The following CORO2B variants were observed in gnomAD, a reference collection of about 807,000 sequenced individuals.
CORO2B encodes coronin-2B.
Under a neutral mutation model 58.8 loss-of-function variants are expected in CORO2B, and 26 were observed. That is an observed-to-expected ratio of 0.44 (90% CI 0.32 to 0.61). The LOEUF is 0.61. Ranked by LOEUF, CORO2B falls within the 20% of genes least tolerant of loss-of-function variation. The pLI is 0.04. For synonymous variants in CORO2B, 242 were observed against 253.8 expected (o/e 0.95, Z 0.44); for missense variants, 460 against 645.1 (o/e 0.71, Z 3.11).
chr15:68,629,379 G>A (rs1900765336), intron 1 of CORO2B, among the ~76,000 whole-genome samples: 1 of 152,248 alleles, frequency 6.6e-6, no homozygotes, highest in Admixed American at 6.5e-5. Context: ...AGCTGATTCT[G>A]TTGGAGGAAG....
At chr15:68,606,745 A>G (rs1413816834) in intron 1 of CORO2B, among the ~76,000 whole-genome samples, 1 of 151,878 alleles carries the variant, frequency 6.6e-6, no homozygotes, top group Non-Finnish European at 1.5e-5. Flanking sequence ...TCCAGAGCAT[A>G]ACTGAACACG....
At chr15:68,674,079 C>A (rs750126927) in intron 2 of CORO2B, among the ~76,000 whole-genome samples, 1 of 152,026 alleles carries the variant, frequency 6.6e-6, no homozygotes, top group Non-Finnish European at 1.5e-5. Context: ...TGACTGGGAG[C>A]GGGAGAGAGG....
chr15:68,561,318 G>A, the CORO2B span, among the ~76,000 whole-genome samples: 1 of 152,100 alleles, frequency 6.6e-6, no homozygotes, highest in Non-Finnish European at 1.5e-5. Flanking sequence ...CTGCCATTTT[G>A]GAGCGTTTGG....
the CORO2B span, among the ~76,000 whole-genome samples, chr15:68,557,200 G>A: frequency 6.6e-6 from 1 of 152,174 alleles, no homozygotes; most frequent in Non-Finnish European, 1.5e-5. Context: ...CAGAGGAAAG[G>A]GATTCATAGA....
At chr15:68,522,664 G>T in the CORO2B span, among the ~76,000 whole-genome samples, 2 of 152,052 alleles carry the variant, frequency 1.3e-5, no homozygotes, top group African/African-American at 4.8e-5. Context: ...TGGTCAGACT[G>T]GTTTCATCAA....
chr15:68,638,243 G>A (rs1901098414), intron 1 of CORO2B, among the ~76,000 whole-genome samples: 1 of 141,126 alleles, frequency 7.1e-6, no homozygotes, highest in Non-Finnish European at 1.5e-5. Context: ...TCCTGGCAAA[G>A]CCTGACCTCC....
chr15:68,658,552 T>C (rs1368037992), intron 2 of CORO2B, among the ~76,000 whole-genome samples: 1 of 152,212 alleles, frequency 6.6e-6, no homozygotes, highest in South Asian at 2.1e-4. Context: ...CTCCCCACTT[T>C]TTCCCACCCT....
At chr15:68,576,416 A>T (rs1464195011), upstream of CORO2B, among the ~76,000 whole-genome samples, 1 of 152,094 alleles carries the variant, frequency 6.6e-6, no homozygotes. Flanking sequence ...TCCTAATTAC[A>T]TTTGGCTCAA....
chr15:68,663,209 C>T (rs1483869834), intron 2 of CORO2B, among the ~76,000 whole-genome samples: 2 of 152,184 alleles, frequency 1.3e-5, no homozygotes, highest in Non-Finnish European at 2.9e-5. Context: ...GATCTTTTCA[C>T]ATCAAATATA....
chr15:68,719,949 T>A (rs898220847), intron 11 of CORO2B, among the ~76,000 whole-genome samples: 1 of 152,132 alleles, frequency 6.6e-6, no homozygotes, highest in African/African-American at 2.4e-5. Flanking sequence ...ACACTTCCAG[T>A]CTTTGTGGAA....
At chr15:68,720,914 TCTCA>T (rs1893144923) in intron 11 of CORO2B, among the ~76,000 whole-genome samples, 1 of 152,234 alleles carries the variant, frequency 6.6e-6, no homozygotes, top group African/African-American at 2.4e-5. Context: ...TGAGACAGAG[TCTCA>T]CTCTGTTGCC....
At chr15:68,659,594 G>A (rs1176900704) in intron 2 of CORO2B, among the ~76,000 whole-genome samples, 1 of 151,990 alleles carries the variant, frequency 6.6e-6, no homozygotes, top group Non-Finnish European at 1.5e-5. Flanking sequence ...CCATAAGGAA[G>A]AGAAAATATA....
chr15:68,695,163 C>T lies in CORO2B; in HGVS notation c.240C>T (p.Tyr80=), dbSNP rs779207743. 52 of 1,613,828 alleles carry T rather than the reference C, an allele frequency of 3.2e-5. 1 individual carries two copies. In the South Asian group the frequency reaches 5.3e-4, roughly 16 times the overall value. The change falls in exon 3 of 12, where the codon TAC becomes TAT. Residue 80 remains tyrosine, a synonymous_variant. Coordinates refer to ENST00000261861, the MANE Select transcript of CORO2B (RefSeq NM_006091.5). ...LEQTGRIEPN[Y]PKVCGHQGNV... is the part of the protein sequence containing the mutation. Reference sequence around the variant, plus strand: ...AGACAGGCAGGATTGAACCCAACTACCCCAAGGTCTGCGGCCACCAGGGCA... The same window carrying T: ...AGACAGGCAGGATTGAACCCAACTATCCCAAGGTCTGCGGCCACCAGGGCA...
At chr15:68,599,281 A>G (rs972544642) in intron 1 of CORO2B, among the ~76,000 whole-genome samples, 1 of 152,204 alleles carries the variant, frequency 6.6e-6, no homozygotes, top group African/African-American at 2.4e-5. Context: ...TGAGATAGTT[A>G]TATCTGAACA....
the CORO2B span, among the ~76,000 whole-genome samples, chr15:68,536,200 A>T: frequency 6.6e-6 from 1 of 152,230 alleles, no homozygotes; most frequent in African/African-American, 2.4e-5. Context: ...CTAGTCTACA[A>T]GAAGTTCAGT....
chr15:68,575,898 T>C (rs902191548), upstream of CORO2B, among the ~76,000 whole-genome samples: 1 of 150,776 alleles, frequency 6.6e-6, no homozygotes, highest in Non-Finnish European at 1.5e-5. Flanking sequence ...CTCACACCTG[T>C]AATCCCAACA....
intron 3 of CORO2B, among the ~76,000 whole-genome samples, chr15:68,701,160 G>A (rs1412534652): frequency 6.6e-6 from 1 of 152,168 alleles, no homozygotes; most frequent in African/African-American, 2.4e-5. Flanking sequence ...TGCGCCGAGT[G>A]GGTCTTCACT....
intron 1 of CORO2B, among the ~76,000 whole-genome samples, chr15:68,638,863 G>T (rs935989381): frequency 6.6e-6 from 1 of 152,226 alleles, no homozygotes; most frequent in African/African-American, 2.4e-5. Context: ...TCATGACTGC[G>T]GGTGGGCTTT....
the CORO2B span, among the ~76,000 whole-genome samples, chr15:68,561,837 G>A: frequency 6.6e-6 from 1 of 152,198 alleles, no homozygotes; most frequent in Non-Finnish European, 1.5e-5. Context: ...TAGTGTGCTT[G>A]GTGAGCCTGT....
Sources: gnomAD v4.1 joint callset for allele counts (sites outside exome capture counted in the v4.1 genomes callset) on GRCh38, gnomAD v4.1.1 for gene constraint, MANE v1.5 for transcripts, NCBI Gene and HGNC (gene_info 2026-07-23, HGNC 2026-07-21) for gene names.